NLRC3: variants seen among roughly 807,000 people sequenced by gnomAD.
The protein encoded by NLRC3 is NLR family CARD domain-containing protein 3.
Under a neutral mutation model 91.6 loss-of-function variants are expected in NLRC3, and 87 were observed. The ratio of observed to expected loss-of-function variants is 0.95; its 90% CI spans 0.80 to 1.14. NLRC3 has a LOEUF of 1.14. NLRC3 is among the 50% of genes most tolerant of loss of function. The pLI, the probability that NLRC3 is intolerant of heterozygous loss-of-function variation, is 0.00. For synonymous variants in NLRC3, 694 were observed against 625.3 expected, an observed-to-expected ratio of 1.11 and a Z score of -1.64; for missense variants, 1,577 against 1,418.6, an observed-to-expected ratio of 1.11 and a Z score of -1.79.
At chr16:3,554,582 A>C (rs1159715792) in intron 8 of NLRC3, among the ~76,000 whole-genome samples, 1 of 152,230 alleles carries the variant, frequency 6.6e-6, no homozygotes, top group African/African-American at 2.4e-5. Context: ...CAACAAAGTC[A>C]TCAATTGCCC....
intron 9 of NLRC3, among the ~76,000 whole-genome samples, chr16:3,553,495 G>C (rs1024596034): frequency 6.6e-6 from 1 of 152,192 alleles, no homozygotes; most frequent in African/African-American, 2.4e-5. Context: ...ATTATCTGCT[G>C]TATTTAGGAT....
chr16:3,544,048 T>C lies in NLRC3; in HGVS notation c.2855+198A>G, dbSNP rs970160524. 9.2e-5 allele frequency: 52 copies of C among 564,612 alleles called. 1 individual carries two copies. The South Asian group carries it at 1.1e-3, about 12-fold the overall frequency. 35.0% of individuals were successfully genotyped at this position (564,612 alleles called of 1,614,324 possible). ...TGCACGCCTGTTATCCCAACTACTGTATGGGAGGCTGAGGCTTGAGAATCA... is the reference window on the plus strand; with the variant it reads ...TGCACGCCTGTTATCCCAACTACTGCATGGGAGGCTGAGGCTTGAGAATCA... On this transcript the variant is annotated intron_variant, in intron 16 of 19. Transcript: ENST00000359128.
chr16:3,576,393 C>T (rs2040293718), intron 1 of NLRC3, among the ~76,000 whole-genome samples: 2 of 152,232 alleles, frequency 1.3e-5, no homozygotes, highest in Admixed American at 6.5e-5. Flanking sequence ...CCCTCATGAC[C>T]TCGCCCCTCC....
rs573770943 is a variant in NLRC3, at chr16:3,572,832, G to A, written c.-169+4317C>T. On this transcript the variant is annotated intron_variant, in intron 1 of 19. Transcript: ENST00000359128. Reference sequence around the variant, plus strand: ...GTTCGAGACCAGTCTGGCCAACATGGTGAAACCCCGTCTCTACTAAAAATA... The same window carrying A: ...GTTCGAGACCAGTCTGGCCAACATGATGAAACCCCGTCTCTACTAAAAATA... 2.6e-5 allele frequency among the ~76,000 whole-genome samples: 4 copies of A among 152,000 alleles called. No homozygotes were observed. The South Asian group carries it at 6.2e-4, about 24-fold the overall frequency.
In NLRC3 at chr16:3,564,674, G is replaced by A. The variant is rs1421614763; in HGVS notation, c.263C>T (p.Ala88Val). 1 of 1,603,056 alleles carries A rather than the reference G, an allele frequency of 6.2e-7. No individual in the cohort carries two copies. Among genetic ancestry groups the A allele is most frequent in the Admixed American group, 1.7e-5 (1 of 59,838 alleles). The change falls in exon 5 of 20, where the codon GCC becomes GTC. Residue 88 changes from alanine to valine, a missense_variant. Transcript: ENST00000359128. This position sits in a 1 kb window ranked among gnomAD's most constrained non-coding sequence, Gnocchi z 5.9. The stretch of plus-strand genomic sequence containing the variant: ...CAGGCCCTCCACCAGCAGGAGGGAG[G>A]CCAGCCTGTGCCAGGGTCCGCCCAG... ...PELGGPWHRL[A>V]SLLLVEGLTD...
At position 3,563,154 on chromosome 16, in the gene NLRC3, GC is replaced by G. The variant is rs1567143403; in HGVS notation, c.1782del (p.Arg594SerfsTer2). The stretch of plus-strand genomic sequence containing the variant: ...GCAGCGCGGTGCGCGGGACCAGTCA[GC>G]CTGGCCAGGGCCCCGCTCTCCATGG... ...EEAMESGALA[R>X]LTGPAHRAAL... On this transcript the variant is annotated frameshift_variant, in exon 5 of 20. Transcript: ENST00000359128. LOFTEE classifies it high-confidence loss of function. 6.3e-7 allele frequency: 1 copy of G among 1,589,838 alleles called. No individual in the cohort carries two copies. Among genetic ancestry groups the G allele is most frequent in the East Asian group, 2.3e-5 (1 of 43,950 alleles).
chr16:3,564,099 C>A lies in NLRC3; in HGVS notation c.838G>T (p.Val280Leu), dbSNP rs1300168997. The A allele has an allele frequency of 6.2e-7, 1 of 1,613,646 alleles. No individual in the cohort carries two copies. Among genetic ancestry groups the A allele is most frequent in the Admixed American group, 1.7e-5 (1 of 60,030 alleles). Residue 280 changes from valine to leucine, a missense_variant, in exon 5 of 20, where the codon GTG becomes TTG. Val to Leu is a conservative substitution (Grantham distance 32, BLOSUM62 1). Coordinates refer to ENST00000359128, the MANE Select transcript of NLRC3 (RefSeq NM_178844.4). This position sits in a 1 kb window ranked among gnomAD's most constrained non-coding sequence, Gnocchi z 5.9. ...CCCCGGATCTCCGTCATCCGGTCCA[C>A]CAGGCCCCCTGGGATCTGGCCAGAT... ...SASGQIPGGLVDRMTEIRGFN... is the reference protein window; with the variant it reads ...SASGQIPGGLLDRMTEIRGFN...
Position 3,541,705 on chromosome 16 carries a change from C to G in NLRC3, c.*120G>C. 1.5e-6 allele frequency: 1 copy of G among 688,082 alleles called. No individual in the cohort carries two copies. The highest frequency in any genetic ancestry group is 2.6e-6 in the Non-Finnish European group (1 of 389,346). 42.6% of individuals were successfully genotyped at this position (688,082 alleles called of 1,614,324 possible). A position where few individuals can be genotyped will look rare whatever the true frequency, so the allele number is the denominator to read the frequency against. ...ACCTCTCCTTCCTCCCTGCAGAGCC[C>G]GGCTCTCGTGCTGAGCAAGCAGCGT... On this transcript the variant is annotated 3_prime_UTR_variant, in exon 20 of 20. Coordinates refer to ENST00000359128, the MANE Select transcript of NLRC3 (RefSeq NM_178844.4).
At chr16:3,544,189 C>A in intron 16 of NLRC3, 57 bp downstream of exon 16, 1 of 997,724 alleles carries the variant, frequency 1.0e-6, no homozygotes, top group Non-Finnish European at 1.6e-6. Flanking sequence ...AGACCTCTAA[C>A]GTGAAAGGAT....
chr16:3,563,550 C>T lies in NLRC3; in HGVS notation c.1387G>A (p.Ala463Thr). 6.2e-7 allele frequency: 1 copy of T among 1,611,104 alleles called. No homozygotes were observed. Among genetic ancestry groups the T allele is most frequent in the East Asian group, 2.2e-5 (1 of 44,748 alleles). The change falls in exon 5 of 20, where the codon GCA becomes ACA. Residue 463 changes from alanine to threonine, a missense_variant. By Grantham distance (58) the Ala-to-Thr change is moderately conservative (BLOSUM62 0). Transcript: ENST00000359128. ...FTHLSLQEFV[A>T]AAYYYGASRR... ...GATGCGCCATAGTAATACGCGGCTGCCACAAACTCCTGCAGGGACAGGTGG... is the reference window on the plus strand; with the variant it reads ...GATGCGCCATAGTAATACGCGGCTGTCACAAACTCCTGCAGGGACAGGTGG...
chr16:3,557,118 A>C (rs2039379010), intron 7 of NLRC3, 124 bp from the exon 8 acceptor site: 175 of 664,200 alleles, frequency 2.6e-4, no homozygotes, highest in East Asian at 6.9e-4. Context: ...TTAGGATCTC[A>C]TGTTTGGTGG....
In NLRC3 at chr16:3,563,867, G is replaced by C. The variant is rs779829977; in HGVS notation, c.1070C>G (p.Pro357Arg). 2 of 1,602,908 alleles carry C rather than the reference G, an allele frequency of 1.2e-6. No individual in the cohort carries two copies. Among genetic ancestry groups the C allele is most frequent in the Admixed American group, 3.4e-5 (2 of 59,142 alleles). The stretch of plus-strand genomic sequence containing the variant: ...TGAGTAGAGCTCGCACAGGGTCCTC[G>C]GGGGCCACAGCTCTGCATCCTGGGG... ...TGPQDAELWP[P>R]RTLCELYSWY... is the part of the protein sequence containing the mutation. Residue 357 changes from proline (P) to arginine (R), a missense_variant, in exon 5 of 20, where the codon CCG becomes CGG. Transcript: ENST00000359128.
intron 19 of NLRC3, 138 bp from the exon 20 acceptor site, chr16:3,542,053 G>A: frequency 1.2e-6 from 1 of 805,468 alleles, no homozygotes; most frequent in South Asian, 1.5e-5. Context: ...CAAGGCTCAG[G>A]GTACCTCCCC....
At chr16:3,543,885 G>A (rs2038544234) in intron 16 of NLRC3, 2 of 346,482 alleles carry the variant, frequency 5.8e-6, no homozygotes, top group Non-Finnish European at 1.1e-5. Context: ...CAGGTGTGGT[G>A]GCTCACACCT....
At chr16:3,554,646 T>C (rs2039203962) in intron 8 of NLRC3, among the ~76,000 whole-genome samples, 1 of 152,190 alleles carries the variant, frequency 6.6e-6, no homozygotes, top group Non-Finnish European at 1.5e-5. Context: ...ACAGAGAAAC[T>C]GCAACCCTCA....
At position 3,564,060 on chromosome 16, in the gene NLRC3, C is replaced by A. The variant is rs374619729; in HGVS notation, c.877G>T (p.Glu293Ter). Residue 293 changes from glutamate to a stop codon, truncating the protein, a stop_gained, in exon 5 of 20, where the codon GAG (glutamate) becomes TAG (stop). Coordinates refer to ENST00000359128, the MANE Select transcript of NLRC3 (RefSeq NM_178844.4). LOFTEE classifies it high-confidence loss of function. The surrounding 1 kb of genome is among the most constrained non-coding windows in gnomAD (Gnocchi z 5.9). ...MTEIRGFNEE[E>*]IKVCLEQMFP... ...ATCTGCTCCAAACACACCTTGATCT[C>A]CTCCTCGTTAAAGCCCCGGATCTCC... 5.6e-6 allele frequency: 9 copies of A among 1,612,894 alleles called. No homozygotes were observed. Among genetic ancestry groups the A allele is most frequent in the Non-Finnish European group, 7.6e-6 (9 of 1,179,870 alleles).
In NLRC3 at chr16:3,564,877, G is replaced by C; in HGVS notation, c.160C>G (p.Leu54Val). The change falls in exon 4 of 20, where the codon CTG (leucine) becomes GTG (valine). Residue 54 changes from leucine to valine, a missense_variant. Transcript: ENST00000359128. This position sits in a 1 kb window ranked among gnomAD's most constrained non-coding sequence, Gnocchi z 5.9. ...QALDRTPDAP[L>V]GPCSNDSRIQ... ...GTCCTACCATTGCTGCAGGGCCCCA[G>C]CGGGGCATCCGGTGTCCTATCCAGG... 2 of 1,607,392 alleles carry C rather than the reference G, an allele frequency of 1.2e-6. No homozygotes were observed. The highest frequency in any genetic ancestry group is 1.7e-6 in the Non-Finnish European group (2 of 1,178,320).
intron 15 of NLRC3, 103 bp downstream of exon 15, chr16:3,548,032 C>T (rs1480447544): frequency 6.7e-6 from 5 of 743,208 alleles, no homozygotes; most frequent in Non-Finnish European, 1.2e-5. Flanking sequence ...AAGAGGAGTG[C>T]CAGGGGTCAC....
intron 9 of NLRC3, among the ~76,000 whole-genome samples, chr16:3,553,095 G>T (rs1356598340): frequency 6.6e-6 from 1 of 152,178 alleles, no homozygotes; most frequent in African/African-American, 2.4e-5. Context: ...GACGTCTCCT[G>T]TGTGAGGCTA....
Sources: allele counts gnomAD v4.1 joint callset (sites outside exome capture counted in the v4.1 genomes callset), GRCh38; gene constraint gnomAD v4.1.1; non-coding constraint Gnocchi (gnomAD v3.1); transcripts MANE v1.5; gene names NCBI Gene and HGNC (gene_info 2026-07-23, HGNC 2026-07-21).